Variants in FMO1 observed in about 807,000 individuals in gnomAD.
FMO1 encodes flavin-containing monooxygenase 1.
In FMO1, 36 loss-of-function variants were observed where a neutral mutation model predicts 45.4. The observed-to-expected ratio is 0.79, with a 90% CI of 0.61 to 1.05. FMO1 has a LOEUF of 1.05. Among genes scored for constraint, FMO1 ranks in the 50% least tolerant of loss-of-function variants. The pLI is 0.00. For missense variants in FMO1, 615 were observed against 640.3 expected (o/e 0.96, Z 0.43); for synonymous variants, 228 against 227.2 (o/e 1.00, Z -0.03).
intron 2 of FMO1, among the ~76,000 whole-genome samples, chr1:171,265,713 T>A (rs971013538): frequency 1.0e-5 from 1 of 97,794 alleles, no homozygotes; most frequent in Admixed American, 8.3e-5. Flanking sequence ...TAAATACACA[T>A]TTTTTTATAT....
rs1558022432 is a variant in FMO1 at position 171,285,613 on chromosome 1, A to G, written c.*69A>G. 4.1e-6 allele frequency: 4 copies of G among 972,424 alleles called. No individual in the cohort carries two copies. The highest frequency in any genetic ancestry group is 4.5e-6 in the Non-Finnish European group (3 of 661,008). 60.2% of individuals were successfully genotyped at this position (972,424 alleles called of 1,614,324 possible). The stretch of plus-strand genomic sequence containing the variant: ...ATGCTCCAATTCCTCTCTTACAGCA[A>G]TATTGCCTTCACAGTTATAAACTGT... On this transcript the variant is annotated 3_prime_UTR_variant, in exon 9 of 9. Transcript: ENST00000617670.
intron 2 of FMO1, among the ~76,000 whole-genome samples, chr1:171,267,084 A>G (rs10912694): frequency 0.39 from 59,399 of 152,092 alleles, 14,376 homozygotes; most frequent in African/African-American, 0.7. Flanking sequence ...GGTTCCAGCT[A>G]TCATTGCCTC....
chr1:171,259,974 T>C (rs1297447848), intron 2 of FMO1, among the ~76,000 whole-genome samples: 1 of 152,184 alleles, frequency 6.6e-6, no homozygotes, highest in African/African-American at 2.4e-5. Context: ...GAGAGCAGGA[T>C]GACAGCCACA....
intron 3 of FMO1, among the ~76,000 whole-genome samples, chr1:171,274,268 T>A (rs1363806444): frequency 6.7e-6 from 1 of 148,350 alleles, no homozygotes; most frequent in Non-Finnish European, 1.5e-5. Context: ...ATGACAAGCT[T>A]TTTTTTTTTT....
At chr1:171,270,838 T>A in intron 3 of FMO1, 1 of 728,966 alleles carries the variant, frequency 1.4e-6, no homozygotes, top group Non-Finnish European at 2.1e-6. Context: ...CTGTACAGTT[T>A]AAAAACAAAT....
At chr1:171,259,860 G>T (rs1660307092) in intron 2 of FMO1, among the ~76,000 whole-genome samples, 1 of 152,198 alleles carries the variant, frequency 6.6e-6, no homozygotes, top group African/African-American at 2.4e-5. Flanking sequence ...AAAACCCTGT[G>T]GGGGACACAA....
In FMO1 at chr1:171,248,603, C is replaced by G. The variant is rs1201366535; in HGVS notation, c.-27C>G. ...TCCTGCGTGGCAGAGCCATTGGCAC[C>G]AGAAATTACAAGTACGTAAAGTAAG... On this transcript the variant is annotated 5_prime_UTR_variant, in exon 1 of 9. Coordinates refer to ENST00000617670, the MANE Select transcript of FMO1 (RefSeq NM_001282693.2). The G allele has an allele frequency of 1.3e-5, 2 of 152,082 alleles. No homozygotes were observed. Among genetic ancestry groups the G allele is most frequent in the Non-Finnish European group, 2.9e-5 (2 of 68,012 alleles). The allele number at this position is 152,082 out of a possible 1,614,324, so 9.4% of individuals were successfully genotyped here.
At position 171,275,226 on chromosome 1, in the gene FMO1, T is replaced by C. The variant is rs1571352678; in HGVS notation, c.322-120T>C. ...TAACCTGATTAGGTTTCTAGGGTTATACTTATTAATTATGTTTATTCTGTG... is the reference window on the plus strand; with the variant it reads ...TAACCTGATTAGGTTTCTAGGGTTACACTTATTAATTATGTTTATTCTGTG... On this transcript the variant is annotated intron_variant, in intron 3 of 8. Transcript: ENST00000617670. 4.0e-6 allele frequency: 3 copies of C among 743,430 alleles called. No homozygotes were observed. In the East Asian group the frequency reaches 8.2e-5, roughly 20 times the overall value. The allele number at this position is 743,430 out of a possible 1,614,324, so 46.1% of individuals were successfully genotyped here.
chr1:171,251,106 T>C (rs1359783221), intron 1 of FMO1, among the ~76,000 whole-genome samples: 1 of 152,220 alleles, frequency 6.6e-6, no homozygotes, highest in African/African-American at 2.4e-5. Flanking sequence ...TGTTTACTCA[T>C]GTGATCTTAA....
Position 171,259,638 on chromosome 1 carries a change from C to A in FMO1, c.132+1419C>A, listed in dbSNP as rs1571332219. Reference sequence around the variant, plus strand: ...AGCCGAGTTATTTGACTAAAGTAATCTCAGTCAAAACAAAAACTAAACCTA... The same window carrying A: ...AGCCGAGTTATTTGACTAAAGTAATATCAGTCAAAACAAAAACTAAACCTA... On this transcript the variant is annotated intron_variant, in intron 2 of 8. Coordinates refer to ENST00000617670, the MANE Select transcript of FMO1 (RefSeq NM_001282693.2). Among the ~76,000 whole-genome samples the A allele has an allele frequency of 2.0e-5, 3 of 152,310 alleles. No homozygotes were observed. In the South Asian group the frequency reaches 6.2e-4, roughly 32 times the overall value.
In FMO1 at chr1:171,280,081, A is replaced by G. The variant is rs569198148; in HGVS notation, c.628-705A>G. Among the ~76,000 whole-genome samples the G allele has an allele frequency of 2.0e-5, 3 of 152,310 alleles. No homozygotes were observed. In the East Asian group the frequency reaches 5.8e-4, roughly 29 times the overall value. Reference sequence around the variant, plus strand: ...AATATTGCAAATTACCTTTCATCATATATAGTTTCTTTTCAACTATGCTGT... The same window carrying G: ...AATATTGCAAATTACCTTTCATCATGTATAGTTTCTTTTCAACTATGCTGT... On this transcript the variant is annotated intron_variant, in intron 5 of 8. Transcript: ENST00000617670.
At chr1:171,282,975 C>T in intron 7 of FMO1, 169 bp from the exon 8 acceptor site, 1 of 502,818 alleles carries the variant, frequency 2.0e-6, no homozygotes, top group Non-Finnish European at 3.6e-6. Flanking sequence ...GCATTATTAC[C>T]AGGAGCATAC....
chr1:171,283,084 T>C, intron 7 of FMO1, 60 bp from the exon 8 acceptor site: 1 of 867,496 alleles, frequency 1.2e-6, no homozygotes, highest in Non-Finnish European at 1.9e-6. Flanking sequence ...TCTTTATCCA[T>C]AAGTCAACAG....
At chr1:171,273,930 C>T (rs1445676922) in intron 3 of FMO1, among the ~76,000 whole-genome samples, 3 of 152,146 alleles carry the variant, frequency 2.0e-5, no homozygotes, top group East Asian at 1.9e-4. Flanking sequence ...CTTTGGGGGG[C>T]CAAGGTGGGT....
chr1:171,254,630 A>G (rs1295709599), intron 1 of FMO1, among the ~76,000 whole-genome samples: 1 of 152,184 alleles, frequency 6.6e-6, no homozygotes, highest in African/African-American at 2.4e-5. Flanking sequence ...TGGATGATAC[A>G]CTGTCGTTGG....
chr1:171,270,908 GT>G, intron 3 of FMO1: 1 of 735,690 alleles, frequency 1.4e-6, no homozygotes. Flanking sequence ...GAACAGTAGG[GT>G]TAAATGCTTT....
chr1:171,254,232 G>A (rs1445241467), intron 1 of FMO1, among the ~76,000 whole-genome samples: 2 of 151,986 alleles, frequency 1.3e-5, no homozygotes, highest in Admixed American at 1.3e-4. Context: ...GGGATTACAG[G>A]TGCACACCAC....
intron 1 of FMO1, among the ~76,000 whole-genome samples, chr1:171,250,464 G>T (rs1371137065): frequency 2.0e-5 from 3 of 152,198 alleles, no homozygotes; most frequent in Admixed American, 1.3e-4. Flanking sequence ...GCTGCAGTTT[G>T]GTAATGACAG....
At chr1:171,252,568 A>G (rs1031184949) in intron 1 of FMO1, among the ~76,000 whole-genome samples, 3 of 152,028 alleles carry the variant, frequency 2.0e-5, no homozygotes, top group Non-Finnish European at 4.4e-5. Flanking sequence ...CATCCATTCC[A>G]TGGCTGAGAG....
Sources: allele counts gnomAD v4.1 joint callset (sites outside exome capture counted in the v4.1 genomes callset), GRCh38; gene constraint gnomAD v4.1.1; transcripts MANE v1.5; gene names NCBI Gene and HGNC (gene_info 2026-07-23, HGNC 2026-07-21).